MTUS1: variants seen among roughly 807,000 people sequenced by gnomAD.
The protein encoded by MTUS1 is microtubule-associated tumor suppressor 1.
Under a neutral mutation model 120.8 loss-of-function variants are expected in MTUS1, and 109 were observed. The observed-to-expected ratio is 0.90, with a 90% CI of 0.77 to 1.06. The LOEUF is 1.06. MTUS1 is among the 50% of genes least tolerant of loss of function. MTUS1 has a pLI of 0.00. For synonymous variants in MTUS1, 737 were observed against 550.5 expected, an observed-to-expected ratio of 1.34 and a Z score of -4.74; for missense variants, 2,210 against 1,486.3, an observed-to-expected ratio of 1.49 and a Z score of -8.01.
chr8:17,657,420 T>G (rs4921801), intron 8 of MTUS1, among the ~76,000 whole-genome samples: 69,966 of 145,444 alleles, frequency 0.48, 17,290 homozygotes, highest in Middle Eastern at 0.67. Context: ...TACAAAAAAT[T>G]AGCCGGGCGT....
intron 1 of MTUS1, among the ~76,000 whole-genome samples, chr8:17,790,904 T>C (rs1359035581): frequency 1.3e-5 from 2 of 152,284 alleles, no homozygotes; most frequent in East Asian, 3.9e-4. Flanking sequence ...GGAGAATCGC[T>C]TGAATCCGGG....
intron 3 of MTUS1, among the ~76,000 whole-genome samples, chr8:17,738,858 G>C (rs1257421734): frequency 1.3e-5 from 2 of 152,048 alleles, no homozygotes; most frequent in African/African-American, 4.8e-5. Context: ...TTAAACGTTA[G>C]CCTGGTGTGG....
rs1045970391 is a variant in MTUS1, at chr8:17,644,125, A to C, written c.*1801T>G. 1 of 152,268 alleles carries C rather than the reference A, an allele frequency of 6.6e-6. No individual in the cohort carries two copies. Among genetic ancestry groups the C allele is most frequent in the Non-Finnish European group, 1.5e-5 (1 of 68,058 alleles). 9.4% of individuals were successfully genotyped at this position (152,268 alleles called of 1,614,324 possible). On this transcript the variant is annotated 3_prime_UTR_variant, in exon 15 of 15. Transcript: ENST00000693296. ...TGAATGGCAAACCCAACTTTGGCTA[A>C]TGTCATTGAGAACAACTTGGAAGCG...
At position 17,754,167 on chromosome 8, in the gene MTUS1, T is replaced by G. The variant is rs1319001499; in HGVS notation, c.1641A>C (p.Ser547=). 1.2e-6 allele frequency: 2 copies of G among 1,614,034 alleles called. No individual in the cohort carries two copies. The highest frequency in any genetic ancestry group is 2.7e-5 in the African/African-American group (2 of 75,058). ...TSASSPSSVN[S]RQQTVLSRTP... Reference sequence around the variant, plus strand: ...TTCTGCTCAAGACTGTTTGTTGTCTTGAATTCACTGATGAGGGTGATGAGG... The same window carrying G: ...TTCTGCTCAAGACTGTTTGTTGTCTGGAATTCACTGATGAGGGTGATGAGG... Residue 547 remains serine, a synonymous_variant, in exon 2 of 15, where the codon TCA becomes TCC. Coordinates refer to ENST00000693296, the MANE Select transcript of MTUS1 (RefSeq NM_001363059.2).
chr8:17,662,747 G>T (rs1167493019), intron 8 of MTUS1, among the ~76,000 whole-genome samples: 1 of 151,770 alleles, frequency 6.6e-6, no homozygotes, highest in Non-Finnish European at 1.5e-5. Context: ...GAGAACTGCT[G>T]GGCAACTTTT....
chr8:17,646,959 A>G (rs1216306160), intron 14 of MTUS1, 23 bp downstream of exon 14: 1 of 1,585,734 alleles, frequency 6.3e-7, no homozygotes, highest in Non-Finnish European at 8.7e-7. Context: ...AGCTCGGGAG[A>G]AACAGCACTG....
chr8:17,775,062 CAGAA>C (rs1341746114), intron 1 of MTUS1, among the ~76,000 whole-genome samples: 1 of 146,718 alleles, frequency 6.8e-6, no homozygotes. Flanking sequence ...TGAATAGAGA[CAGAA>C]AGTCAATTCG....
chr8:17,795,264 T>C (rs1422154952), intron 1 of MTUS1, among the ~76,000 whole-genome samples: 2 of 152,206 alleles, frequency 1.3e-5, no homozygotes, highest in Non-Finnish European at 2.9e-5. Flanking sequence ...AGTATGAGTC[T>C]TTCCCAAGAT....
intron 1 of MTUS1, among the ~76,000 whole-genome samples, chr8:17,759,956 C>G (rs116871988): frequency 0.025 from 3,731 of 151,584 alleles, 67 homozygotes; most frequent in South Asian, 0.067. Flanking sequence ...TGCCTGTAAT[C>G]TCAGCACTTT....
intron 2 of MTUS1, among the ~76,000 whole-genome samples, chr8:17,751,999 C>G (rs1354224408): frequency 4.6e-5 from 7 of 151,876 alleles, no homozygotes; most frequent in Admixed American, 4.6e-4. Flanking sequence ...ATCCTAACAG[C>G]CAGATTCCTG....
At chr8:17,652,467 C>CG (rs1199061329) in intron 12 of MTUS1, among the ~76,000 whole-genome samples, 1 of 151,212 alleles carries the variant, frequency 6.6e-6, no homozygotes, top group South Asian at 2.1e-4. Flanking sequence ...AGAAAGTAGA[C>CG]GGGGGAGAGC....
chr8:17,679,207 CACACACA>C (rs1450301176), intron 7 of MTUS1, among the ~76,000 whole-genome samples: 1 of 58,338 alleles, frequency 1.7e-5, no homozygotes, highest in African/African-American at 4.2e-5. Context: ...TATACACACA[CACACACA>C]AATACCTATA....
chr8:17,722,632 A>G, intron 4 of MTUS1: 1 of 887,584 alleles, frequency 1.1e-6, no homozygotes, highest in Non-Finnish European at 1.3e-6. Flanking sequence ...TAATTCGGTC[A>G]TTAATTCAAT....
intron 13 of MTUS1, chr8:17,647,310 G>A (rs1005488767): frequency 9.2e-6 from 4 of 436,224 alleles, no homozygotes; most frequent in Admixed American, 8.0e-5. Flanking sequence ...ATATTGATAC[G>A]AGTGGGTAAC....
At chr8:17,691,045 G>T (rs183677121) in intron 6 of MTUS1, among the ~76,000 whole-genome samples, 92 of 152,218 alleles carry the variant, frequency 6.0e-4, no homozygotes, top group Non-Finnish European at 1.1e-3. Context: ...AGAATAAATT[G>T]TTCTAACAAA....
At chr8:17,714,883 C>T (rs1179055762) in intron 5 of MTUS1, among the ~76,000 whole-genome samples, 1 of 137,020 alleles carries the variant, frequency 7.3e-6, no homozygotes, top group African/African-American at 2.7e-5. Context: ...GTTCACTAAG[C>T]ACAAATAATG....
At chr8:17,696,002 A>G (rs1239205071) in intron 6 of MTUS1, among the ~76,000 whole-genome samples, 1 of 152,136 alleles carries the variant, frequency 6.6e-6, no homozygotes, top group Non-Finnish European at 1.5e-5. Flanking sequence ...TTTTAAAAGA[A>G]CTCTTTAAAA....
intron 8 of MTUS1, among the ~76,000 whole-genome samples, chr8:17,665,402 C>G (rs1006236851): frequency 7.2e-5 from 11 of 152,202 alleles, no homozygotes; most frequent in Non-Finnish European, 2.9e-5. Flanking sequence ...ACAAGGTGCT[C>G]TCACATTTGT....
Position 17,671,157 on chromosome 8 carries a change from G to A in MTUS1, c.2905+4029C>T, listed in dbSNP as rs139458337. ...TTAATTTAAAAAATCGTAGTATGAA[G>A]TTGTATATATTCATATAAACTAAGA... On this transcript the variant is annotated intron_variant, in intron 8 of 14. Coordinates refer to ENST00000693296, the MANE Select transcript of MTUS1 (RefSeq NM_001363059.2). 1.7e-4 allele frequency among the ~76,000 whole-genome samples: 26 copies of A among 151,996 alleles called. No individual in the cohort carries two copies. The East Asian group carries it at 4.8e-3, about 28-fold the overall frequency.
Sources: allele counts gnomAD v4.1 joint callset (sites outside exome capture counted in the v4.1 genomes callset), GRCh38; gene constraint gnomAD v4.1.1; transcripts MANE v1.5; gene names NCBI Gene and HGNC (gene_info 2026-07-23, HGNC 2026-07-21).